ADAD2: variants seen among roughly 807,000 people sequenced by gnomAD.
The protein encoded by ADAD2 is adenosine deaminase domain-containing protein 2.
A neutral mutation model predicts 54.5 loss-of-function variants in ADAD2; 60 were observed. That is an observed-to-expected ratio of 1.10 (90% CI 0.89 to 1.36). ADAD2 has a LOEUF of 1.36. ADAD2 is among the 40% of genes most tolerant of loss of function. ADAD2 has a pLI of 0.00. For missense variants in ADAD2, 1,103 were observed against 801.3 expected (o/e 1.38, Z -4.54); for synonymous variants, 543 against 366.2 (o/e 1.48, Z -5.51).
chr16:84,193,208 AT>A (rs2089679449), intron 1 of ADAD2: 1 of 72,806 alleles, frequency 1.4e-5, no homozygotes, highest in African/African-American at 6.9e-5. Context: ...TAACATTGAT[AT>A]AATACCATCT....
In ADAD2 at chr16:84,191,434, G is replaced by A. The variant is rs768547302; in HGVS notation, c.204G>A (p.Gly68=). The change falls in exon 1 of 10, where the codon GGG becomes GGA. Residue 68 remains glycine (G), a synonymous_variant. Coordinates refer to ENST00000315906, the MANE Select transcript of ADAD2 (RefSeq NM_001145400.2). Reference sequence around the variant, plus strand: ...AGGTCTCGGTGTTGAGGGACAGTGGGCCTGGGGCAGGGGCCGGAGTCGGGG... The same window carrying A: ...AGGTCTCGGTGTTGAGGGACAGTGGACCTGGGGCAGGGGCCGGAGTCGGGG... ...WPQVSVLRDS[G]PGAGAGVGEL... 13 of 1,511,880 alleles carry A rather than the reference G, an allele frequency of 8.6e-6. No individual in the cohort carries two copies. In the South Asian group the frequency reaches 1.1e-4, roughly 13 times the overall value. 93.7% of individuals were successfully genotyped at this position (1,511,880 alleles called of 1,614,324 possible).
chr16:84,196,050 CACGTGGTG>C lies in ADAD2; in HGVS notation c.1282+8_1282+15del, dbSNP rs2089725502. 6.3e-7 allele frequency: 1 copy of C among 1,599,324 alleles called. No homozygotes were observed. Among genetic ancestry groups the C allele is most frequent in the East Asian group, 2.2e-5 (1 of 44,856 alleles). ...CAGCACCAGCCTCATCCTGGGTGAG[CACGTGGTG>C]AGGGCTGGGGGGGTGAGAAGGGAGG... On this transcript the variant is annotated splice_region_variant and intron_variant, in intron 7 of 9. Transcript: ENST00000315906.
Position 84,196,860 on chromosome 16 carries a change from C to A in ADAD2, c.1648-10C>A. 1 of 1,590,082 alleles carries A rather than the reference C, an allele frequency of 6.3e-7. No homozygotes were observed. Among genetic ancestry groups the A allele is most frequent in the Non-Finnish European group, 8.6e-7 (1 of 1,166,482 alleles). On this transcript the variant is annotated splice_polypyrimidine_tract_variant and intron_variant, in intron 9 of 9. Transcript: ENST00000315906. ...CCTCCTCTCACCCCACCTCTCATCT[C>A]CCGCCCTAGGCTGGGCCCTACCAGG...
chr16:84,197,082 CTG>C lies in ADAD2; in HGVS notation c.*109_*110del, dbSNP rs1425685206. The C allele has an allele frequency of 1.2e-5, 14 of 1,168,680 alleles. No homozygotes were observed. The highest frequency in any genetic ancestry group is 7.1e-5 in the Admixed American group (3 of 42,366). The allele number at this position is 1,168,680 out of a possible 1,614,324, so 72.4% of individuals were successfully genotyped here. A position where few individuals can be genotyped will look rare whatever the true frequency, so the allele number is the denominator to read the frequency against. ...AGAACATGGGTTGTGCGGGGTGAAA[CTG>C]GGGCTGGAGGGAAGGAGGAGCCTGC... On this transcript the variant is annotated 3_prime_UTR_variant, in exon 10 of 10. Transcript: ENST00000315906.
In ADAD2 at chr16:84,191,398, C is replaced by T. The variant is rs2151325390; in HGVS notation, c.168C>T (p.Gly56=). The T allele has an allele frequency of 6.7e-7, 1 of 1,496,658 alleles. No homozygotes were observed. The highest frequency in any genetic ancestry group is 8.9e-7 in the Non-Finnish European group (1 of 1,127,362). The allele number at this position is 1,496,658 out of a possible 1,614,324, so 92.7% of individuals were successfully genotyped here. Residue 56 remains glycine, a synonymous_variant, in exon 1 of 10, where the codon GGC becomes GGT. Transcript: ENST00000315906. ...APAPATYRAE[G]GWPQVSVLRD... is the part of the protein sequence containing the mutation. ...CGCCCGCGACGTATCGCGCGGAGGG[C>T]GGGTGGCCCCAGGTCTCGGTGTTGA...
intron 1 of ADAD2, chr16:84,192,603 C>G (rs893341068): frequency 2.7e-5 from 4 of 148,744 alleles, no homozygotes; most frequent in African/African-American, 1.0e-4. Context: ...TTCAGTGGCA[C>G]TATCTCAGCC....
At position 84,191,564 on chromosome 16, in the gene ADAD2, C is replaced by T. The variant is rs1272644940; in HGVS notation, c.334C>T (p.Pro112Ser). 22 of 1,549,026 alleles carry T rather than the reference C, an allele frequency of 1.4e-5. 1 individual carries two copies. The South Asian group carries it at 1.4e-4, about 10-fold the overall frequency. The change falls in exon 1 of 10, where the codon CCT (proline) becomes TCT (serine). Residue 112 changes from proline to serine, a missense_variant. Transcript: ENST00000315906. ...AGLSLPLKDP[P>S]ASQAVSLLTE... ...GCTCAGCCTGCCGCTCAAAGACCCA[C>T]CTGCCAGCCAGGCCGTGTCCTTGCT...
chr16:84,195,741 G>T (rs768481485), intron 6 of ADAD2, 44 bp downstream of exon 6: 11 of 1,532,160 alleles, frequency 7.2e-6, no homozygotes, highest in Non-Finnish European at 5.3e-6. Flanking sequence ...GGCTCCCTCG[G>T]TTGGGCTGCT....
chr16:84,195,866 G>A lies in ADAD2; in HGVS notation c.1104G>A (p.Leu368=), dbSNP rs369590486. The change falls in exon 7 of 10, where the codon CTG becomes CTA. Residue 368 remains leucine, a synonymous_variant. Transcript: ENST00000315906. ...TCCCGCACAGCCCACCCATGCGCCTGCAGGCCCATGTGCTCGGGCAGCTGA... is the reference window on the plus strand; with the variant it reads ...TCCCGCACAGCCCACCCATGCGCCTACAGGCCCATGTGCTCGGGCAGCTGA... The part of the protein sequence containing the change: ...GGLPHSPPMR[L]QAHVLGQLKP... 2.9e-5 allele frequency: 47 copies of A among 1,605,832 alleles called. No individual in the cohort carries two copies. Among genetic ancestry groups the A allele is most frequent in the Non-Finnish European group, 3.9e-5 (46 of 1,179,288 alleles).
rs1192484574 is a variant in ADAD2, at chr16:84,191,293, A to C, written c.63A>C (p.Ala21=). 6.2e-7 allele frequency: 1 copy of C among 1,601,376 alleles called. No homozygotes were observed. The highest frequency in any genetic ancestry group is 8.5e-7 in the Non-Finnish European group (1 of 1,173,684). The part of the protein sequence containing the change: ...DGSRRKPRLA[A]SLQISPQPRP... ...GTCGTAGGAAGCCCCGCCTGGCTGCATCGTTGCAGATCAGCCCCCAGCCCC... is the reference window on the plus strand; with the variant it reads ...GTCGTAGGAAGCCCCGCCTGGCTGCCTCGTTGCAGATCAGCCCCCAGCCCC... The change falls in exon 1 of 10, where the codon GCA becomes GCC. Residue 21 remains alanine, a synonymous_variant. Coordinates refer to ENST00000315906, the MANE Select transcript of ADAD2 (RefSeq NM_001145400.2).
rs766205972 is a variant in ADAD2, at chr16:84,194,970, C to T, written c.597C>T (p.Pro199=). ...CCTCCAGCCGGCCTCCACTGGCCCCCCTGAGCGTAGGTAGGTGAGCATTCC... is the reference window on the plus strand; with the variant it reads ...CCTCCAGCCGGCCTCCACTGGCCCCTCTGAGCGTAGGTAGGTGAGCATTCC... ...PQTSSRPPLA[P]LSVENILTHE... Residue 199 remains proline, a synonymous_variant, in exon 3 of 10, where the codon CCC becomes CCT. Transcript: ENST00000315906. 1 of 1,611,760 alleles carries T rather than the reference C, an allele frequency of 6.2e-7. No individual in the cohort carries two copies. The highest frequency in any genetic ancestry group is 8.5e-7 in the Non-Finnish European group (1 of 1,179,350).
intron 1 of ADAD2, 45 bp downstream of exon 1, chr16:84,191,693 G>A (rs1178170552): frequency 5.2e-6 from 8 of 1,544,656 alleles, no homozygotes; most frequent in Non-Finnish European, 6.1e-6. Context: ...GCAGAGCCAC[G>A]GAGGGCTGGG....
chr16:84,191,178 G>T lies in ADAD2; in HGVS notation c.-53G>T. 1 of 1,563,156 alleles carries T rather than the reference G, an allele frequency of 6.4e-7. No homozygotes were observed. The highest frequency in any genetic ancestry group is 1.4e-5 in the African/African-American group (1 of 72,954). On this transcript the variant is annotated 5_prime_UTR_variant, in exon 1 of 10. It adds an upstream start codon to the 5' untranslated region. Transcript: ENST00000315906. ...AGGCACCCGCCCTGCGCGTGTGAAA[G>T]GGCGAGAGCAGCGCGAGATAGGGCC...
rs780171211 is a variant in ADAD2, at chr16:84,196,085, C to T, written c.1282+41C>T. Reference sequence around the variant, plus strand: ...GGGCTGGGGGGGTGAGAAGGGAGGGCAGGGAGGTCACTCACCTTGTCCTGT... The same window carrying T: ...GGGCTGGGGGGGTGAGAAGGGAGGGTAGGGAGGTCACTCACCTTGTCCTGT... On this transcript the variant is annotated intron_variant, in intron 7 of 9. Coordinates refer to ENST00000315906, the MANE Select transcript of ADAD2 (RefSeq NM_001145400.2). 37 of 1,599,446 alleles carry T rather than the reference C, an allele frequency of 2.3e-5. No homozygotes were observed. In the Admixed American group the frequency reaches 4.2e-4, roughly 18 times the overall value.
intron 3 of ADAD2, 35 bp from the exon 4 acceptor site, chr16:84,195,034 C>T: frequency 6.2e-6 from 10 of 1,611,716 alleles, no homozygotes; most frequent in Non-Finnish European, 7.6e-6. Context: ...GAGGCGTGGG[C>T]CCCCTTCTAC....
chr16:84,191,659 G>C lies in ADAD2; in HGVS notation c.418+11G>C, dbSNP rs1286512653. ...AGGACCAGCCACCAGGTGAGGCCGG[G>C]CCGGGGCATGGCTGTGCCAGAGGGC... is the stretch of plus-strand genomic sequence containing the variant. On this transcript the variant is annotated intron_variant, in intron 1 of 9. Coordinates refer to ENST00000315906, the MANE Select transcript of ADAD2 (RefSeq NM_001145400.2). The C allele has an allele frequency of 6.4e-7, 1 of 1,554,778 alleles. No homozygotes were observed. Among genetic ancestry groups the C allele is most frequent in the Admixed American group, 1.9e-5 (1 of 52,176 alleles).
chr16:84,195,468 G>A (rs2089715458), intron 5 of ADAD2, 22 bp downstream of exon 5: 9 of 1,606,130 alleles, frequency 5.6e-6, no homozygotes, highest in African/African-American at 2.7e-5. Context: ...TGGGGTGGGC[G>A]CCTGATAGCA....
At position 84,191,383 on chromosome 16, in the gene ADAD2, G is replaced by C. The variant is rs369932687; in HGVS notation, c.153G>C (p.Thr51=). Residue 51 remains threonine, a synonymous_variant, in exon 1 of 10, where the codon ACG becomes ACC. Transcript: ENST00000315906. ...SAWGPAPAPA[T]YRAEGGWPQV... Reference sequence around the variant, plus strand: ...GGGGGCCCGCGCCCGCGCCCGCGACGTATCGCGCGGAGGGCGGGTGGCCCC... The same window carrying C: ...GGGGGCCCGCGCCCGCGCCCGCGACCTATCGCGCGGAGGGCGGGTGGCCCC... 2 of 1,513,462 alleles carry C rather than the reference G, an allele frequency of 1.3e-6. No individual in the cohort carries two copies. Among genetic ancestry groups the C allele is most frequent in the Admixed American group, 2.4e-5 (1 of 42,508 alleles). The allele number at this position is 1,513,462 out of a possible 1,614,324, so 93.8% of individuals were successfully genotyped here.
chr16:84,196,441 C>T (rs1263315715), intron 8 of ADAD2, 71 bp downstream of exon 8: 1 of 1,563,744 alleles, frequency 6.4e-7, no homozygotes, highest in African/African-American at 1.4e-5. Context: ...TGAGCTTCCT[C>T]ACCTCAGTCT....
Sources: gnomAD v4.1 joint callset for allele counts on GRCh38, gnomAD v4.1.1 for gene constraint, MANE v1.5 for transcripts, NCBI Gene and HGNC (gene_info 2026-07-23, HGNC 2026-07-21) for gene names.